The following POR variants were observed in gnomAD, a reference collection of about 807,000 sequenced individuals.
The protein encoded by POR is NADPH--cytochrome P450 reductase.
In POR, 56 loss-of-function variants were observed where a neutral mutation model predicts 84.0. The observed-to-expected ratio is 0.67, with a 90% CI of 0.54 to 0.83. The LOEUF (loss-of-function observed/expected upper bound fraction) is 0.83. Among genes scored for constraint, POR ranks in the 40% least tolerant of loss-of-function variants. The pLI, the probability that POR is intolerant of heterozygous loss-of-function variation, is 0.00. For missense variants in POR, 938 were observed against 944.3 expected, an observed-to-expected ratio of 0.99 and a Z score of 0.09; for synonymous variants, 414 against 400.5, an observed-to-expected ratio of 1.03 and a Z score of -0.40.
intron 1 of POR, among the ~76,000 whole-genome samples, chr7:75,945,137 C>A (rs1787119651): frequency 6.6e-6 from 1 of 151,928 alleles, no homozygotes; most frequent in South Asian, 2.1e-4. Flanking sequence ...AAAAATTAGC[C>A]AGGTGTGGTG....
At chr7:75,972,755 A>C (rs1554556387) in intron 3 of POR, 1 of 485,870 alleles carries the variant, frequency 2.1e-6, no homozygotes, top group African/African-American at 1.9e-5. Flanking sequence ...TGGCCTGTCC[A>C]GGAGCAGAGG....
intron 1 of POR, among the ~76,000 whole-genome samples, chr7:75,934,934 C>T (rs969891597): frequency 6.6e-5 from 10 of 152,208 alleles, no homozygotes; most frequent in Non-Finnish European, 8.8e-5. Flanking sequence ...TACCGAGAAC[C>T]TCTGGTAGGA....
rs782707074 is a variant in POR at position 75,985,194 on chromosome 7, C to T, written c.1385C>T (p.Ala462Val). 2 of 1,594,468 alleles carry T rather than the reference C, an allele frequency of 1.3e-6. No individual in the cohort carries two copies. The highest frequency in any genetic ancestry group is 4.5e-5 in the East Asian group (2 of 44,730). ...CTGCAGGCCCGCTACTACTCCATCG[C>T]CTCATCCTCCAAGGTGAGGGCCGGC... The change falls in exon 12 of 16, where the codon GCC becomes GTC. Residue 462 changes from alanine (A) to valine (V), a missense_variant. Coordinates refer to ENST00000461988, the MANE Select transcript of POR (RefSeq NM_000941.3).
Position 75,984,959 on chromosome 7 carries a change from G to T in POR, c.1248+1G>T, listed in dbSNP as rs782168868. On this transcript the variant is annotated splice_donor_variant, in intron 11 of 15. Coordinates refer to ENST00000461988, the MANE Select transcript of POR (RefSeq NM_000941.3). LOFTEE classifies it high-confidence loss of function. ...GGCCTCCTCCTCCGGCGAGGGCAAG[G>T]TGCGCCCCCTCAGCCCCCGCAACCT... The T allele has an allele frequency of 1.9e-6, 3 of 1,589,502 alleles. No individual in the cohort carries two copies. Among genetic ancestry groups the T allele is most frequent in the African/African-American group, 2.7e-5 (2 of 74,602 alleles).
intron 1 of POR, among the ~76,000 whole-genome samples, chr7:75,943,606 A>C (rs73702701): frequency 0.018 from 2,721 of 152,352 alleles, 96 homozygotes; most frequent in African/African-American, 0.062. Flanking sequence ...CACATTCATT[A>C]TAACACATCT....
chr7:75,983,832 G>T lies in POR; in HGVS notation c.1042G>T (p.Val348Phe). ...AATCCTGGGTGCCGACCTGGACGTC[G>T]TCATGTCCCTGAACAACCTGGATGG... Residue 348 changes from valine (V) to phenylalanine (F), a missense_variant, in exon 10 of 16, where the codon GTC becomes TTC. Physicochemically the swap from Val to Phe is conservative, Grantham distance 50 (BLOSUM62 -1). Coordinates refer to ENST00000461988, the MANE Select transcript of POR (RefSeq NM_000941.3). The T allele has an allele frequency of 6.2e-7, 1 of 1,610,100 alleles. No homozygotes were observed. Among genetic ancestry groups the T allele is most frequent in the Non-Finnish European group, 8.5e-7 (1 of 1,178,680 alleles).
At chr7:75,927,075 C>G (rs372801667) in intron 1 of POR, among the ~76,000 whole-genome samples, 1 of 152,198 alleles carries the variant, frequency 6.6e-6, no homozygotes, top group Non-Finnish European at 1.5e-5. Flanking sequence ...TAGAATAGCT[C>G]TGGAGACAGT....
intron 2 of POR, chr7:75,967,899 A>G: frequency 2.7e-6 from 1 of 371,540 alleles, no homozygotes; most frequent in Admixed American, 3.2e-5. Flanking sequence ...GCTCAGGGAA[A>G]TTCCGAGAGG....
intron 1 of POR, among the ~76,000 whole-genome samples, chr7:75,947,818 G>T (rs555538615): frequency 6.6e-6 from 1 of 152,132 alleles, no homozygotes; most frequent in Non-Finnish European, 1.5e-5. Flanking sequence ...CACCTGTCAG[G>T]CTCTGGGGCA....
intron 1 of POR, among the ~76,000 whole-genome samples, chr7:75,916,748 T>G (rs1554548126): frequency 6.6e-6 from 1 of 152,152 alleles, no homozygotes; most frequent in Non-Finnish European, 1.5e-5. Context: ...AGATTTGAAA[T>G]GAAACAACCC....
chr7:75,961,756 G>A (rs1389847553), intron 2 of POR, among the ~76,000 whole-genome samples: 3 of 152,210 alleles, frequency 2.0e-5, no homozygotes, highest in African/African-American at 4.8e-5. Flanking sequence ...GCTCATGCCT[G>A]TAATCCCAGC....
At chr7:75,925,566 C>G (rs945209046) in intron 1 of POR, among the ~76,000 whole-genome samples, 1 of 152,112 alleles carries the variant, frequency 6.6e-6, no homozygotes, top group Non-Finnish European at 1.5e-5. Flanking sequence ...GGCCTTTACA[C>G]GAGGATCATT....
intron 5 of POR, 98 bp downstream of exon 5, chr7:75,980,586 C>A: frequency 2.0e-5 from 32 of 1,609,954 alleles, no homozygotes; most frequent in Non-Finnish European, 2.7e-5. Context: ...TCCAGACCCC[C>A]ACCCTGTCCT....
chr7:75,968,337 C>G, intron 2 of POR: 1 of 460,678 alleles, frequency 2.2e-6, no homozygotes, highest in Non-Finnish European at 4.5e-6. Flanking sequence ...CAGGCCTAGG[C>G]ACTGGTGGCC....
At chr7:75,983,703 CT>C in intron 9 of POR, 34 bp from the exon 10 acceptor site, 1 of 1,607,206 alleles carries the variant, frequency 6.2e-7, no homozygotes. Context: ...CAGGGCCAGC[CT>C]TCCGCCCCTC....
intron 12 of POR, 155 bp from the exon 13 acceptor site, chr7:75,985,424 G>C (rs750999673): frequency 8.7e-7 from 1 of 1,155,472 alleles, no homozygotes; most frequent in African/African-American, 1.5e-5. Context: ...GAACCAGTCC[G>C]GGAAGCCGCT....
At chr7:75,952,280 C>T (rs868949096) in intron 1 of POR, among the ~76,000 whole-genome samples, 73 of 137,548 alleles carry the variant, frequency 5.3e-4, no homozygotes, top group African/African-American at 1.7e-3. Flanking sequence ...GCTGGCCGGG[C>T]GGGGGGCTGA....
At chr7:75,981,920 C>T (rs1458398103) in intron 7 of POR, 1 of 567,956 alleles carries the variant, frequency 1.8e-6, no homozygotes, top group East Asian at 2.9e-5. Flanking sequence ...CATAACGTTC[C>T]TCTCTGTGCC....
chr7:75,966,050 C>T (rs1420768255), intron 2 of POR, among the ~76,000 whole-genome samples: 2 of 152,152 alleles, frequency 1.3e-5, no homozygotes, highest in East Asian at 3.9e-4. Flanking sequence ...CTTCACCCAC[C>T]CTGAGCCTCA....
Sources: allele counts gnomAD v4.1 joint callset (sites outside exome capture counted in the v4.1 genomes callset), GRCh38; gene constraint gnomAD v4.1.1; transcripts MANE v1.5; gene names NCBI Gene and HGNC (gene_info 2026-07-23, HGNC 2026-07-21).